The following PFKFB2 variants were observed in gnomAD, a reference collection of about 807,000 sequenced individuals.
PFKFB2 encodes 6-phosphofructo-2-kinase/fructose-2,6-biphosphatase 2, also known as 6-phosphofructo-2-kinase/fructose-2,6-bisphosphatase 2.
In PFKFB2, 53 loss-of-function variants were observed where a neutral mutation model predicts 68.0. That is an observed-to-expected ratio of 0.78 (90% confidence interval 0.63 to 0.98). The LOEUF (loss-of-function observed/expected upper bound fraction) is 0.98. Among genes scored for constraint, PFKFB2 ranks in the 50% least tolerant of loss-of-function variants. The probability of loss-of-function intolerance (pLI) is 0.00; values close to 1 mark genes in which losing one functional copy is unlikely to be tolerated. For missense variants in PFKFB2, 451 were observed against 642.0 expected (o/e 0.70, Z 3.22); for synonymous variants, 222 against 227.6 (o/e 0.98, Z 0.22).
rs760572016 is a variant in PFKFB2, at chr1:207,063,257, AG to A, written c.375+49del. ...TCTTTCTGGTCCCCACCCTTGCAGC[AG>A]CCTGGCTACCCAGCCCCACCTTGAG... On this transcript the variant is annotated intron_variant, in intron 5 of 14. Transcript: ENST00000367080. This position sits in a 1 kb window ranked among gnomAD's most constrained non-coding sequence, Gnocchi z 4.1. The A allele has an allele frequency of 5.6e-6, 9 of 1,595,326 alleles. No homozygotes were observed. The South Asian group carries it at 8.8e-5, about 16-fold the overall frequency.
At chr1:207,057,214 G>A (rs868786708) in intron 2 of PFKFB2, among the ~76,000 whole-genome samples, 31 of 150,398 alleles carry the variant, frequency 2.1e-4, no homozygotes, top group Non-Finnish European at 3.4e-4. Flanking sequence ...TTGGGAGGCC[G>A]AGGAGGGTGG....
intron 1 of PFKFB2, among the ~76,000 whole-genome samples, chr1:207,036,991 A>G (rs1171289473): frequency 6.6e-6 from 1 of 152,176 alleles, no homozygotes; most frequent in East Asian, 1.9e-4. Context: ...GTGTAATTCC[A>G]TTACTATCAT....
chr1:207,063,038 GA>G lies in PFKFB2; in HGVS notation c.309-102del. On this transcript the variant is annotated intron_variant, in intron 4 of 14. Coordinates refer to ENST00000367080, the MANE Select transcript of PFKFB2 (RefSeq NM_006212.2). The surrounding 1 kb of genome is among the most constrained non-coding windows in gnomAD (Gnocchi z 4.1). ...GTTAGAGAAAGGTTTTGAACAGTGGGAAACTAAGTGGGCAGGGATGTGACTT... is the reference window on the plus strand; with the variant it reads ...GTTAGAGAAAGGTTTTGAACAGTGGGAACTAAGTGGGCAGGGATGTGACTT... 1 of 956,326 alleles carries G rather than the reference GA, an allele frequency of 1.0e-6. No individual in the cohort carries two copies. The allele number at this position is 956,326 out of a possible 1,614,324, so 59.2% of individuals were successfully genotyped here. A position where few individuals can be genotyped will look rare whatever the true frequency, so the allele number is the denominator to read the frequency against.
At position 207,072,394 on chromosome 1, in the gene PFKFB2, C is replaced by T. The variant is rs771795023; in HGVS notation, c.*23C>T. The T allele has an allele frequency of 1.1e-5, 17 of 1,608,522 alleles. No homozygotes were observed. The African/African-American group carries it at 1.1e-4, about 10-fold the overall frequency. ...TAGCCGAAGACCCAAGTCAGCATTC[C>T]GGTGGTGTAACTGTGTGTTTCCCTC... On this transcript the variant is annotated 3_prime_UTR_variant, in exon 15 of 15. Coordinates refer to ENST00000367080, the MANE Select transcript of PFKFB2 (RefSeq NM_006212.2).
At position 207,054,765 on chromosome 1, in the gene PFKFB2, C is replaced by A. The variant is rs766338409; in HGVS notation, c.48C>A (p.Thr16=). ...SSEQNNNSYE[T]KTPNLRMSEK... ...AACAGAACAACAACAGCTATGAAAC[C>A]AAAACCCCAAATCTTCGAATGTCAG... Residue 16 remains threonine (T), a synonymous_variant, in exon 2 of 15, where the codon ACC becomes ACA. Coordinates refer to ENST00000367080, the MANE Select transcript of PFKFB2 (RefSeq NM_006212.2). 131 of 1,613,726 alleles carry A rather than the reference C, an allele frequency of 8.1e-5. No individual in the cohort carries two copies. The highest frequency in any genetic ancestry group is 1.1e-4 in the Non-Finnish European group (130 of 1,179,900).
intron 2 of PFKFB2, among the ~76,000 whole-genome samples, chr1:207,061,115 ATCTT>A (rs1232053647): frequency 2.6e-5 from 1 of 38,484 alleles, no homozygotes; most frequent in Admixed American, 1.9e-4. Flanking sequence ...ATATCTATAT[ATCTT>A]TATATATATC....
At chr1:207,042,549 CAAAAAAAAAAAAAAAAAA>C (rs57077682) in intron 2 of PFKFB2, among the ~76,000 whole-genome samples, 5 of 44,714 alleles carry the variant, frequency 1.1e-4, no homozygotes, top group Non-Finnish European at 2.1e-4. Context: ...CTCTGTCTCA[CAAAAAAAAAAAAAAAAAA>C]AAAAAAAAAA....
rs1553251477 is a variant in PFKFB2, at chr1:207,063,886, G to GT, written c.507+57_507+58insT. On this transcript the variant is annotated intron_variant, in intron 7 of 14. Coordinates refer to ENST00000367080, the MANE Select transcript of PFKFB2 (RefSeq NM_006212.2). This position sits in a 1 kb window ranked among gnomAD's most constrained non-coding sequence, Gnocchi z 4.1. ...TCACCTTTTGTGCTGTGTGTGTTGT[G>GT]GGGTGTGTGTGTGTGTGTGTGTGTG... 2 of 849,580 alleles carry GT rather than the reference G, an allele frequency of 2.4e-6. No individual in the cohort carries two copies. The highest frequency in any genetic ancestry group is 3.6e-6 in the Non-Finnish European group (2 of 555,594). 52.6% of individuals were successfully genotyped at this position (849,580 alleles called of 1,614,324 possible).
chr1:207,047,144 T>C (rs1368975981), intron 2 of PFKFB2: 1 of 152,536 alleles, frequency 6.6e-6, no homozygotes, highest in Admixed American at 6.5e-5. Context: ...TTCAATCCCA[T>C]TAATTTGAAC....
In PFKFB2 at chr1:207,069,545, A is replaced by G. The variant is rs376240448; in HGVS notation, c.1092+17A>G. Reference sequence around the variant, plus strand: ...GGTGGGGAGGTAAGACGCCCCTGTCATGTAAAGTGACTGCCTAGACCCTTG... The same window carrying G: ...GGTGGGGAGGTAAGACGCCCCTGTCGTGTAAAGTGACTGCCTAGACCCTTG... On this transcript the variant is annotated intron_variant, in intron 11 of 14. Coordinates refer to ENST00000367080, the MANE Select transcript of PFKFB2 (RefSeq NM_006212.2). 4.6e-5 allele frequency: 68 copies of G among 1,491,812 alleles called. No individual in the cohort carries two copies. Among genetic ancestry groups the G allele is most frequent in the Non-Finnish European group, 6.4e-5 (68 of 1,068,584 alleles). 92.4% of individuals were successfully genotyped at this position (1,491,812 alleles called of 1,614,324 possible).
Position 207,075,432 on chromosome 1 carries a change from C to T in PFKFB2, c.*3061C>T, listed in dbSNP as rs764697805. 3.7e-5 allele frequency: 36 copies of T among 985,376 alleles called. No individual in the cohort carries two copies. Among genetic ancestry groups the T allele is most frequent in the Admixed American group, 6.1e-5 (1 of 16,288 alleles). 61.0% of individuals were successfully genotyped at this position (985,376 alleles called of 1,614,324 possible). A position where few individuals can be genotyped will look rare whatever the true frequency, so the allele number is the denominator to read the frequency against. ...TGTAGAATGGAAAAGAGCTCTTACTCCAAATTTTAGAGAAGTTTCAGCTCT... is the reference window on the plus strand; with the variant it reads ...TGTAGAATGGAAAAGAGCTCTTACTTCAAATTTTAGAGAAGTTTCAGCTCT... On this transcript the variant is annotated 3_prime_UTR_variant, in exon 15 of 15. Coordinates refer to ENST00000367080, the MANE Select transcript of PFKFB2 (RefSeq NM_006212.2).
chr1:207,048,852 C>T (rs1368527992), upstream of PFKFB2: 2 of 650,038 alleles, frequency 3.1e-6, no homozygotes, highest in South Asian at 2.0e-5. Flanking sequence ...TAAACTTGCA[C>T]ACTAATTTTA....
At chr1:207,037,742 A>G (rs1020148451) in intron 1 of PFKFB2, among the ~76,000 whole-genome samples, 6 of 152,206 alleles carry the variant, frequency 3.9e-5, no homozygotes, top group Non-Finnish European at 5.9e-5. Flanking sequence ...TCTAAATTAT[A>G]TATTACATCT....
In PFKFB2 at chr1:207,063,427, A is replaced by C. The variant is rs1683176261; in HGVS notation, c.450+6A>C. 1 of 1,601,086 alleles carries C rather than the reference A, an allele frequency of 6.2e-7. No homozygotes were observed. Among genetic ancestry groups the C allele is most frequent in the African/African-American group, 1.3e-5 (1 of 74,656 alleles). ...CTGAACAGAATTCCTTCAAGGTAGG[A>C]TCTGACTCCATGTTGGAGGAAAAGG... On this transcript the variant is annotated splice_donor_region_variant and intron_variant, in intron 6 of 14. Coordinates refer to ENST00000367080, the MANE Select transcript of PFKFB2 (RefSeq NM_006212.2). This position sits in a 1 kb window ranked among gnomAD's most constrained non-coding sequence, Gnocchi z 4.1.
chr1:207,066,360 G>A (rs1441229873), intron 8 of PFKFB2, among the ~76,000 whole-genome samples: 21 of 152,160 alleles, frequency 1.4e-4, no homozygotes, highest in Non-Finnish European at 4.4e-5. Context: ...CAAGCAAATG[G>A]CACATTTAAT....
upstream of PFKFB2, chr1:207,050,962 G>A (rs757828294): frequency 2.4e-5 from 38 of 1,556,064 alleles, no homozygotes; most frequent in Non-Finnish European, 3.2e-5. Context: ...CAGCCTGTTG[G>A]GAGACGCCGC....
chr1:207,073,462 C>G lies in PFKFB2; in HGVS notation c.*1091C>G. On this transcript the variant is annotated 3_prime_UTR_variant, in exon 15 of 15. Coordinates refer to ENST00000367080, the MANE Select transcript of PFKFB2 (RefSeq NM_006212.2). The stretch of plus-strand genomic sequence containing the variant: ...AAGGCAAGAGGCAGAGAAGAGTTCA[C>G]TAAAACTGCTTATTTTTGAATAATT... The G allele has an allele frequency of 1.0e-6, 1 of 985,430 alleles. No individual in the cohort carries two copies. The allele number at this position is 985,430 out of a possible 1,614,324, so 61.0% of individuals were successfully genotyped here.
chr1:207,048,853 A>G (rs891025590), upstream of PFKFB2: 1 of 654,538 alleles, frequency 1.5e-6, no homozygotes, highest in Non-Finnish European at 2.6e-6. Flanking sequence ...AAACTTGCAC[A>G]CTAATTTTAA....
chr1:207,040,442 G>A (rs2102315715), intron 1 of PFKFB2, among the ~76,000 whole-genome samples: 1 of 152,332 alleles, frequency 6.6e-6, no homozygotes, highest in East Asian at 1.9e-4. Flanking sequence ...TTCTAGGTCA[G>A]AAGGGCAGAG....
Sources: allele counts gnomAD v4.1 joint callset (sites outside exome capture counted in the v4.1 genomes callset), GRCh38; gene constraint gnomAD v4.1.1; non-coding constraint Gnocchi (gnomAD v3.1); transcripts MANE v1.5; gene names NCBI Gene and HGNC (gene_info 2026-07-23, HGNC 2026-07-21).